The following THAP8 variants were observed in gnomAD, a reference collection of about 807,000 sequenced individuals.
THAP8 encodes the protein THAP domain-containing protein 8.
Under a neutral mutation model 25.0 loss-of-function variants are expected in THAP8, and 24 were observed. The observed-to-expected ratio is 0.96, with a 90% confidence interval of 0.69 to 1.35. The LOEUF (loss-of-function observed/expected upper bound fraction) is 1.35, where lower values mean the gene tolerates loss of function less well. THAP8 is among the 40% of genes most tolerant of loss of function. The probability of loss-of-function intolerance (pLI) is 0.00; values close to 1 mark genes in which losing one functional copy is unlikely to be tolerated. For synonymous variants in THAP8, 169 were observed against 157.6 expected, an observed-to-expected ratio of 1.07 and a Z score of -0.54; for missense variants, 399 against 368.8, an observed-to-expected ratio of 1.08 and a Z score of -0.67.
intron 3 of THAP8, among the ~76,000 whole-genome samples, 182 bp from the exon 4 acceptor site, chr19:36,035,774 T>C (rs899934921): frequency 6.8e-6 from 1 of 147,390 alleles, no homozygotes; most frequent in Non-Finnish European, 1.5e-5. Flanking sequence ...GAGACATTCA[T>C]GGGAAAGGAA....
At chr19:36,038,763 A>G (rs1023769455) in intron 3 of THAP8, among the ~76,000 whole-genome samples, 2 of 151,844 alleles carry the variant, frequency 1.3e-5, no homozygotes, top group African/African-American at 4.8e-5. Flanking sequence ...AGGCAGGACA[A>G]TCGCTTGAAC....
chr19:36,040,939 CT>C (rs1396209057), intron 1 of THAP8, among the ~76,000 whole-genome samples: 2 of 152,086 alleles, frequency 1.3e-5, no homozygotes, highest in African/African-American at 4.8e-5. Context: ...TGGACCTTGC[CT>C]ACAACAAACA....
At chr19:36,039,893 G>T in intron 2 of THAP8, 51 bp downstream of exon 2, 1 of 1,605,872 alleles carries the variant, frequency 6.2e-7, no homozygotes, top group South Asian at 1.1e-5. Context: ...CTTCCCTTAG[G>T]CAGGGAGGTC....
At chr19:36,039,820 G>T in intron 2 of THAP8, 102 bp from the exon 3 acceptor site, 1 of 1,540,768 alleles carries the variant, frequency 6.5e-7, no homozygotes, top group African/African-American at 1.4e-5. Flanking sequence ...CCTAGGTAAG[G>T]CCAGACCTCA....
intron 3 of THAP8, 102 bp downstream of exon 3, chr19:36,039,221 A>G (rs1722039297): frequency 2.9e-6 from 4 of 1,370,986 alleles, no homozygotes; most frequent in Non-Finnish European, 3.8e-6. Flanking sequence ...AACACGGCTG[A>G]ATGTTCTGAT....
rs774250773 is a variant in THAP8 at position 36,039,380 on chromosome 19, T to C, written c.615A>G (p.Ala205=). ...GCAGGCTCTCCCCGTGTAGCTGCTG[T>C]GCCAGCCGTTCCAGGGCCTGCAGCT... ...QAQLQALERL[A]QQLHGESLLA... Residue 205 remains alanine (A), a synonymous_variant, in exon 3 of 4, where the codon GCA becomes GCG. Coordinates refer to ENST00000292894, the MANE Select transcript of THAP8 (RefSeq NM_152658.3). The C allele has an allele frequency of 7.8e-6, 12 of 1,539,280 alleles. No homozygotes were observed. In the African/African-American group the frequency reaches 1.6e-4, roughly 21 times the overall value.
chr19:36,054,092 C>G (rs1261271959), intron 1 of THAP8, 43 bp downstream of exon 1: 5 of 1,593,222 alleles, frequency 3.1e-6, no homozygotes, highest in Non-Finnish European at 4.3e-6. Context: ...CCACCCCTCT[C>G]AGGGTCCCGC....
At chr19:36,043,869 C>T (rs1166604704) in intron 1 of THAP8, among the ~76,000 whole-genome samples, 1 of 152,008 alleles carries the variant, frequency 6.6e-6, no homozygotes, top group Non-Finnish European at 1.5e-5. Flanking sequence ...ACCTGGGCGA[C>T]AGAGCAAGAC....
At chr19:36,054,330 G>C, upstream of THAP8, 2 of 1,271,274 alleles carry the variant, frequency 1.6e-6, no homozygotes, top group East Asian at 2.5e-5. Flanking sequence ...CGTGACGTCC[G>C]TGGAGTCTCG....
chr19:36,047,000 C>G (rs1223629631), intron 1 of THAP8, among the ~76,000 whole-genome samples: 1 of 152,192 alleles, frequency 6.6e-6, no homozygotes, highest in African/African-American at 2.4e-5. Context: ...GAAAGGTCTC[C>G]TTAATTGGTC....
At chr19:36,054,754 C>G (rs566672684), upstream of THAP8, 8 of 623,788 alleles carry the variant, frequency 1.3e-5, no homozygotes, top group African/African-American at 1.3e-4. Flanking sequence ...ATCCAGTACA[C>G]TGGCTGTGGC....
rs200039456 is a variant in THAP8 at position 36,035,465 on chromosome 19, A to G, written c.800T>C (p.Leu267Pro). The change falls in exon 4 of 4, where the codon CTG becomes CCG. Residue 267 changes from leucine to proline, a missense_variant. Coordinates refer to ENST00000292894, the MANE Select transcript of THAP8 (RefSeq NM_152658.3). ...PATVDAKPEL[L>P]DTRIPSA ...TTATGCACTGGGGATCCGAGTGTCCAGGAGCTCCGGCTTGGCATCCACTGT... is the reference window on the plus strand; with the variant it reads ...TTATGCACTGGGGATCCGAGTGTCCGGGAGCTCCGGCTTGGCATCCACTGT... 5.6e-6 allele frequency: 9 copies of G among 1,614,124 alleles called. No homozygotes were observed. The highest frequency in any genetic ancestry group is 7.6e-6 in the Non-Finnish European group (9 of 1,179,984).
chr19:36,049,784 T>G (rs1970002016), intron 1 of THAP8, among the ~76,000 whole-genome samples: 1 of 152,278 alleles, frequency 6.6e-6, no homozygotes, highest in African/African-American at 2.4e-5. Context: ...CAGGCACGGT[T>G]GCTCACGCCT....
At chr19:36,036,474 T>A (rs1365591401) in intron 3 of THAP8, among the ~76,000 whole-genome samples, 1 of 152,046 alleles carries the variant, frequency 6.6e-6, no homozygotes, top group African/African-American at 2.4e-5. Flanking sequence ...TTCACCATGT[T>A]GCCCAGTCTG....
intron 1 of THAP8, 61 bp from the exon 2 acceptor site, chr19:36,040,197 G>A: frequency 6.7e-7 from 1 of 1,496,596 alleles, no homozygotes; most frequent in Non-Finnish European, 8.9e-7. Flanking sequence ...CCCTCCCAGA[G>A]GATACCCACC....
At chr19:36,053,994 G>A in intron 1 of THAP8, 141 bp downstream of exon 1, 1 of 853,970 alleles carries the variant, frequency 1.2e-6, no homozygotes, top group Non-Finnish European at 1.9e-6. Flanking sequence ...ACACTGCCAG[G>A]AAGGCCATCT....
At chr19:36,039,832 G>A in intron 2 of THAP8, 112 bp downstream of exon 2, 2 of 1,562,118 alleles carry the variant, frequency 1.3e-6, no homozygotes, top group Non-Finnish European at 1.7e-6. Flanking sequence ...CAGACCTCAG[G>A]GAGGAAGTGT....
At chr19:36,053,267 C>T (rs1440050597) in intron 1 of THAP8, among the ~76,000 whole-genome samples, 1 of 142,686 alleles carries the variant, frequency 7.0e-6, no homozygotes, top group East Asian at 2.1e-4. Context: ...GGGGTTTCAC[C>T]ATGTTGGCCA....
chr19:36,048,895 G>C (rs1487143469), intron 1 of THAP8, among the ~76,000 whole-genome samples: 1 of 147,926 alleles, frequency 6.8e-6, no homozygotes, highest in Non-Finnish European at 1.5e-5. Context: ...GTAAGCCACT[G>C]AGATTTGAGA....
Sources: allele counts gnomAD v4.1 joint callset (sites outside exome capture counted in the v4.1 genomes callset), GRCh38; gene constraint gnomAD v4.1.1; transcripts MANE v1.5; gene names NCBI Gene and HGNC (gene_info 2026-07-23, HGNC 2026-07-21).